The following SPINK5 variants were observed in gnomAD, a reference collection of about 807,000 sequenced individuals.
The protein encoded by SPINK5 is serine peptidase inhibitor Kazal type 5, also known as serine protease inhibitor Kazal-type 5.
A neutral mutation model predicts 151.8 loss-of-function variants in SPINK5; 125 were observed. The ratio of observed to expected loss-of-function variants is 0.82; its 90% CI spans 0.71 to 0.96. The LOEUF is 0.96. SPINK5 is among the 40% of genes least tolerant of loss of function. The probability of loss-of-function intolerance (pLI) is 0.00; values close to 1 mark genes in which losing one functional copy is unlikely to be tolerated. For synonymous variants in SPINK5, 374 were observed against 395.3 expected, an observed-to-expected ratio of 0.95 and a Z score of 0.64; for missense variants, 1,194 against 1,291.9, an observed-to-expected ratio of 0.92 and a Z score of 1.16.
intron 8 of SPINK5, among the ~76,000 whole-genome samples, chr5:148,093,041 A>G (rs1753354070): frequency 6.6e-6 from 1 of 151,968 alleles, no homozygotes. Context: ...CTAGTGGCCC[A>G]GGTCATTTGA....
At chr5:148,067,480 T>C (rs1443404800) in intron 2 of SPINK5, among the ~76,000 whole-genome samples, 1 of 152,188 alleles carries the variant, frequency 6.6e-6, no homozygotes, top group East Asian at 1.9e-4. Context: ...TTCAACCCTC[T>C]CTATTATGGT....
At chr5:148,133,765 T>G in intron 31 of SPINK5, 32 bp from the exon 32 acceptor site, 1 of 1,608,192 alleles carries the variant, frequency 6.2e-7, no homozygotes, top group Non-Finnish European at 8.5e-7. Context: ...GAGAACTTCC[T>G]CGTTGTTGAA....
chr5:148,114,668 T>A (rs1210624076), intron 21 of SPINK5, among the ~76,000 whole-genome samples, 179 bp downstream of exon 21: 3 of 152,158 alleles, frequency 2.0e-5, no homozygotes, highest in African/African-American at 7.2e-5. Context: ...GTTCTAGAAA[T>A]AAAATAAATA....
chr5:148,123,441 C>CTATATATATATATAGATAGATAT (rs1416361269), intron 26 of SPINK5, among the ~76,000 whole-genome samples: 1 of 65,376 alleles, frequency 1.5e-5, no homozygotes, highest in African/African-American at 4.0e-5. Flanking sequence ...TATTATCTAT[C>CTATATATATATATAGATAGATAT]TATCTATATA....
chr5:148,065,554 C>T (rs9325062), intron 2 of SPINK5, 182 bp downstream of exon 2: 31 of 592,774 alleles, frequency 5.2e-5, no homozygotes, highest in African/African-American at 4.3e-4. Flanking sequence ...CTCACACACA[C>T]ACACACACAC....
chr5:148,065,238 C>A, intron 1 of SPINK5, 109 bp from the exon 2 acceptor site: 1 of 1,238,690 alleles, frequency 8.1e-7, no homozygotes, highest in Non-Finnish European at 1.1e-6. Flanking sequence ...TGCGGTTTTA[C>A]AACATATTGT....
At chr5:148,094,697 T>C (rs888298392) in intron 9 of SPINK5, among the ~76,000 whole-genome samples, 2 of 151,960 alleles carry the variant, frequency 1.3e-5, no homozygotes, top group Admixed American at 1.3e-4. Flanking sequence ...CCAGTTGAAA[T>C]ATTGACTTAC....
chr5:148,127,466 C>G (rs1754459080), intron 30 of SPINK5, among the ~76,000 whole-genome samples: 2 of 152,150 alleles, frequency 1.3e-5, no homozygotes, highest in Admixed American at 1.3e-4. Context: ...CCAACCAAAT[C>G]TGTTTCTACA....
intron 9 of SPINK5, 94 bp downstream of exon 9, chr5:148,094,575 T>C (rs1362736735): frequency 1.3e-5 from 21 of 1,599,712 alleles, no homozygotes; most frequent in Non-Finnish European, 1.8e-5. Flanking sequence ...AAGGAAGCTT[T>C]GTTGTTGAGA....
At position 148,123,922 on chromosome 5, in the gene SPINK5, G is replaced by A; in HGVS notation, c.2628G>A (p.Lys876=). 1 of 1,614,008 alleles carries A rather than the reference G, an allele frequency of 6.2e-7. No individual in the cohort carries two copies. The highest frequency in any genetic ancestry group is 8.5e-7 in the Non-Finnish European group (1 of 1,179,984). The change falls in exon 27 of 33, where the codon AAG becomes AAA. Residue 876 remains lysine, a synonymous_variant. Transcript: ENST00000256084. ...ENNPVRGPYG[K]MHINKCAMCQ... ...ACCCTGTTCGAGGCCCATATGGCAAGATGCACATCAATAAATGTGCTATGT... is the reference window on the plus strand; with the variant it reads ...ACCCTGTTCGAGGCCCATATGGCAAAATGCACATCAATAAATGTGCTATGT...
At chr5:148,134,685 T>C (rs1042015961) in intron 32 of SPINK5, among the ~76,000 whole-genome samples, 2 of 152,158 alleles carry the variant, frequency 1.3e-5, no homozygotes, top group African/African-American at 2.4e-5. Flanking sequence ...GTCGAAAGTA[T>C]GAACTTTTTC....
chr5:148,067,719 C>T (rs555787940), intron 2 of SPINK5, among the ~76,000 whole-genome samples: 1 of 152,272 alleles, frequency 6.6e-6, no homozygotes, highest in Non-Finnish European at 1.5e-5. Context: ...GAATTAAGTT[C>T]TCATCTAACA....
chr5:148,083,698 T>G (rs1753081454), intron 4 of SPINK5, among the ~76,000 whole-genome samples: 1 of 151,404 alleles, frequency 6.6e-6, no homozygotes, highest in South Asian at 2.1e-4. Context: ...CTTAAAATTC[T>G]TATTGCTTTT....
chr5:148,094,340 T>C lies in SPINK5; in HGVS notation c.667-14T>C, dbSNP rs1313056356. 1 of 1,611,132 alleles carries C rather than the reference T, an allele frequency of 6.2e-7. No homozygotes were observed. On this transcript the variant is annotated splice_polypyrimidine_tract_variant and intron_variant, in intron 8 of 32. Transcript: ENST00000256084. The stretch of plus-strand genomic sequence containing the variant: ...ATGAAATGAAGTAAAATAAATATAA[T>C]TGTCTTTTCAAAGGATTTTTGCAAG...
At position 148,094,365 on chromosome 5, in the gene SPINK5, G is replaced by A. The variant is rs1249399590; in HGVS notation, c.678G>A (p.Lys226=). The A allele has an allele frequency of 2.5e-6, 4 of 1,612,386 alleles. No individual in the cohort carries two copies. In the African/African-American group the frequency reaches 5.3e-5, roughly 22 times the overall value. ...IRRNAEKDFC[K]EYEKQVRNGR... is the part of the protein sequence containing the mutation. ...TTGTCTTTTCAAAGGATTTTTGCAA[G>A]GAATATGAAAAACAAGTGAGAAATG... is the stretch of plus-strand genomic sequence containing the variant. Residue 226 remains lysine (K), a synonymous_variant, in exon 9 of 33, where the codon AAG becomes AAA. Coordinates refer to ENST00000256084, the MANE Select transcript of SPINK5 (RefSeq NM_006846.4).
intron 21 of SPINK5, among the ~76,000 whole-genome samples, chr5:148,115,131 G>A (rs1754051344): frequency 6.6e-6 from 1 of 152,146 alleles, no homozygotes; most frequent in South Asian, 2.1e-4. Context: ...AGTACTTCAA[G>A]AAAGGGATAA....
At chr5:148,077,938 A>G (rs1752926651) in intron 4 of SPINK5, among the ~76,000 whole-genome samples, 1 of 151,188 alleles carries the variant, frequency 6.6e-6, no homozygotes, top group East Asian at 1.9e-4. Context: ...ACAAATAGAA[A>G]AGTAGAAATG....
intron 8 of SPINK5, among the ~76,000 whole-genome samples, chr5:148,093,587 T>G (rs1226408341): frequency 6.6e-6 from 1 of 151,894 alleles, no homozygotes; most frequent in East Asian, 1.9e-4. Context: ...CTTACAAACT[T>G]AGCTGGATTA....
In SPINK5 at chr5:148,118,979, C is replaced by A; in HGVS notation, c.2241-7C>A. ...ACAAGATGAATATTCACTTTTTTCTCCTCCAGGGAAAGAGAAGCAGAGAGA... is the reference window on the plus strand; with the variant it reads ...ACAAGATGAATATTCACTTTTTTCTACTCCAGGGAAAGAGAAGCAGAGAGA... On this transcript the variant is annotated splice_region_variant and splice_polypyrimidine_tract_variant and intron_variant, in intron 23 of 32. Coordinates refer to ENST00000256084, the MANE Select transcript of SPINK5 (RefSeq NM_006846.4). The A allele has an allele frequency of 6.2e-7, 1 of 1,613,684 alleles. No individual in the cohort carries two copies. Among genetic ancestry groups the A allele is most frequent in the Non-Finnish European group, 8.5e-7 (1 of 1,179,752 alleles).
Sources: gnomAD v4.1 joint callset for allele counts (sites outside exome capture counted in the v4.1 genomes callset) on GRCh38, gnomAD v4.1.1 for gene constraint, MANE v1.5 for transcripts, NCBI Gene and HGNC (gene_info 2026-07-23, HGNC 2026-07-21) for gene names.